SLC9A2: variants seen among roughly 807,000 people sequenced by gnomAD.
The protein encoded by SLC9A2 is sodium/hydrogen exchanger 2.
In SLC9A2, 42 loss-of-function variants were observed where a neutral mutation model predicts 71.7. The ratio of observed to expected loss-of-function variants is 0.59; its 90% CI spans 0.46 to 0.76. The LOEUF is 0.76. SLC9A2 is among the 30% of genes least tolerant of loss of function. The probability of loss-of-function intolerance (pLI) is 0.00; values close to 1 mark genes in which losing one functional copy is unlikely to be tolerated. For missense variants in SLC9A2, 829 were observed against 1,017.4 expected, an observed-to-expected ratio of 0.81 and a Z score of 2.52; for synonymous variants, 396 against 392.5, an observed-to-expected ratio of 1.01 and a Z score of -0.10.
intron 1 of SLC9A2, among the ~76,000 whole-genome samples, chr2:102,631,311 G>GTATT (rs112579413): frequency 0.037 from 5,486 of 150,108 alleles, 330 homozygotes; most frequent in African/African-American, 0.13. Flanking sequence ...TTTTGTGCTA[G>GTATT]TATTTATTTA....
chr2:102,639,042 G>T (rs1487049854), intron 1 of SLC9A2, among the ~76,000 whole-genome samples: 1 of 152,174 alleles, frequency 6.6e-6, no homozygotes, highest in East Asian at 1.9e-4. Context: ...AAATCAGCCA[G>T]ATGTGCTGGT....
intron 2 of SLC9A2, among the ~76,000 whole-genome samples, chr2:102,664,018 G>C (rs983336491): frequency 1.3e-5 from 2 of 152,190 alleles, no homozygotes; most frequent in African/African-American, 4.8e-5. Context: ...GCTCATGCCT[G>C]TAATCCTAGC....
intron 1 of SLC9A2, among the ~76,000 whole-genome samples, chr2:102,625,722 G>T (rs1439964197): frequency 1.3e-5 from 2 of 152,062 alleles, no homozygotes; most frequent in Non-Finnish European, 2.9e-5. Flanking sequence ...GTCTATCATT[G>T]TTGGACATTT....
At position 102,641,870 on chromosome 2, in the gene SLC9A2, G is replaced by A. The variant is rs1018074690; in HGVS notation, c.290-15694G>A. On this transcript the variant is annotated intron_variant, in intron 1 of 11. Coordinates refer to ENST00000233969, the MANE Select transcript of SLC9A2 (RefSeq NM_003048.6). ...CAATGAGAATACTTGGACACAGGGT[G>A]GGGAACATCACACACCAGGGCCTGT... Among the ~76,000 whole-genome samples the A allele has an allele frequency of 4.0e-5, 6 of 149,330 alleles. No homozygotes were observed. In the South Asian group the frequency reaches 1.1e-3, roughly 27 times the overall value.
chr2:102,639,112 A>C (rs1676524719), intron 1 of SLC9A2, among the ~76,000 whole-genome samples: 1 of 152,214 alleles, frequency 6.6e-6, no homozygotes, highest in African/African-American at 2.4e-5. Flanking sequence ...TGAGCCTAGG[A>C]GCTGGAGGCT....
intron 7 of SLC9A2, chr2:102,697,357 C>T (rs985900513): frequency 1.3e-5 from 2 of 151,880 alleles, no homozygotes; most frequent in Non-Finnish European, 2.9e-5. Flanking sequence ...CAGGCAGAGA[C>T]ATTATCTCTG....
chr2:102,698,593 G>T (rs1677812064), intron 7 of SLC9A2, among the ~76,000 whole-genome samples: 1 of 152,198 alleles, frequency 6.6e-6, no homozygotes, highest in South Asian at 2.1e-4. Context: ...CCAGTGGGTT[G>T]GCTGGCTGCC....
At chr2:102,686,982 T>C (rs1281819746) in intron 5 of SLC9A2, among the ~76,000 whole-genome samples, 1 of 152,170 alleles carries the variant, frequency 6.6e-6, no homozygotes, top group East Asian at 1.9e-4. Flanking sequence ...TGTGAACACA[T>C]CAAGCTAATC....
intron 9 of SLC9A2, among the ~76,000 whole-genome samples, chr2:102,704,094 A>G (rs1334925949): frequency 1.3e-5 from 2 of 152,232 alleles, no homozygotes; most frequent in Admixed American, 6.5e-5. Context: ...ACTTGATGAA[A>G]TCAATCATTG....
chr2:102,677,580 G>A (rs528087067), intron 3 of SLC9A2, among the ~76,000 whole-genome samples: 2 of 152,208 alleles, frequency 1.3e-5, no homozygotes, highest in South Asian at 4.2e-4. Flanking sequence ...CAAAATCTGG[G>A]CATGCTTTGG....
intron 11 of SLC9A2, 116 bp from the exon 12 acceptor site, chr2:102,708,003 C>T: frequency 8.9e-7 from 1 of 1,125,098 alleles, no homozygotes; most frequent in Non-Finnish European, 1.3e-6. Flanking sequence ...CTGCTAGCCT[C>T]CCCTCTCCCC....
intron 2 of SLC9A2, among the ~76,000 whole-genome samples, chr2:102,660,187 T>C (rs906368183): frequency 2.6e-5 from 4 of 152,112 alleles, no homozygotes; most frequent in African/African-American, 9.7e-5. Context: ...TGTGGTTTTA[T>C]GGAAAGAAAG....
intron 3 of SLC9A2, among the ~76,000 whole-genome samples, chr2:102,674,027 G>C (rs1387141623): frequency 6.6e-6 from 1 of 152,142 alleles, no homozygotes; most frequent in East Asian, 1.9e-4. Context: ...GACCTTGGGT[G>C]ATCCACCTGC....
intron 3 of SLC9A2, among the ~76,000 whole-genome samples, chr2:102,666,200 T>TC (rs1677136470): frequency 6.7e-6 from 1 of 148,568 alleles, no homozygotes; most frequent in Non-Finnish European, 1.5e-5. Flanking sequence ...TTAGCTTTTT[T>TC]TTTTTTTTTT....
chr2:102,680,472 T>C (rs999708479), intron 3 of SLC9A2, among the ~76,000 whole-genome samples: 1 of 152,132 alleles, frequency 6.6e-6, no homozygotes, highest in African/African-American at 2.4e-5. Flanking sequence ...TTCCAGGCTG[T>C]TCTCCCAGTT....
At chr2:102,621,469 A>G (rs545507426) in intron 1 of SLC9A2, among the ~76,000 whole-genome samples, 1 of 152,016 alleles carries the variant, frequency 6.6e-6, no homozygotes, top group Non-Finnish European at 1.5e-5. Context: ...AGAAACTTTC[A>G]TGTTATGAGC....
chr2:102,708,337 C>T lies in SLC9A2; in HGVS notation c.2287C>T (p.Leu763=). Residue 763 remains leucine, a synonymous_variant, in exon 12 of 12, where the codon CTA becomes TTA. Coordinates refer to ENST00000233969, the MANE Select transcript of SLC9A2 (RefSeq NM_003048.6). ...REKGTQTSGL[L]QQPLLSKDQS... ...AAAGGGCACCCAGACGTCAGGCTTA[C>T]TACAGCAGCCCCTTCTCTCTAAAGA... 6.2e-7 allele frequency: 1 copy of T among 1,614,218 alleles called. No homozygotes were observed. The highest frequency in any genetic ancestry group is 1.1e-5 in the South Asian group (1 of 91,086).
At chr2:102,690,165 G>A (rs560137865) in intron 5 of SLC9A2, among the ~76,000 whole-genome samples, 1 of 152,238 alleles carries the variant, frequency 6.6e-6, no homozygotes, top group Admixed American at 6.5e-5. Context: ...CAGCCCAGGA[G>A]GCCGGAAAGG....
At chr2:102,644,686 A>T (rs1676681855) in intron 1 of SLC9A2, among the ~76,000 whole-genome samples, 1 of 152,078 alleles carries the variant, frequency 6.6e-6, no homozygotes, top group Non-Finnish European at 1.5e-5. Context: ...TACAGTGTTA[A>T]CTCTGACTGT....
Sources: allele counts gnomAD v4.1 joint callset (sites outside exome capture counted in the v4.1 genomes callset), GRCh38; gene constraint gnomAD v4.1.1; transcripts MANE v1.5; gene names NCBI Gene and HGNC (gene_info 2026-07-23, HGNC 2026-07-21).